Variants in RNPEP observed in about 807,000 individuals in gnomAD.
RNPEP encodes aminopeptidase B.
In RNPEP, 57 loss-of-function variants were observed where a neutral mutation model predicts 70.1. The ratio of observed to expected loss-of-function variants is 0.81; its 90% CI spans 0.66 to 1.01. RNPEP has a LOEUF of 1.01. Among genes scored for constraint, RNPEP ranks in the 50% least tolerant of loss-of-function variants. The pLI is 0.00. For synonymous variants in RNPEP, 335 were observed against 357.4 expected, an observed-to-expected ratio of 0.94 and a Z score of 0.71; for missense variants, 787 against 852.4, an observed-to-expected ratio of 0.92 and a Z score of 0.96.
At chr1:201,993,956 C>G (rs1179004624) in intron 3 of RNPEP, among the ~76,000 whole-genome samples, 1 of 151,502 alleles carries the variant, frequency 6.6e-6, no homozygotes, top group Non-Finnish European at 1.5e-5. Context: ...ATCCAGCCCC[C>G]CACCCTTGCC....
rs758081816 is a variant in RNPEP, at chr1:202,005,598, TG to T, written c.1838del (p.Gly613ValfsTer66). On this transcript the variant is annotated frameshift_variant, in exon 11 of 11. Coordinates refer to ENST00000295640, the MANE Select transcript of RNPEP (RefSeq NM_020216.4). LOFTEE classifies it high-confidence loss of function. Reference sequence around the variant, plus strand: ...ACACTTCCGCTGTACCACGCAATGATGGGTGGCAGTGAGGTGGCCCAGACCC... The same window carrying T: ...ACACTTCCGCTGTACCACGCAATGATGGTGGCAGTGAGGTGGCCCAGACCC... ...KYTLPLYHAM[M>X]GGSEVAQTLA... 7 of 1,614,214 alleles carry T rather than the reference TG, an allele frequency of 4.3e-6. No homozygotes were observed. Among genetic ancestry groups the T allele is most frequent in the Non-Finnish European group, 5.9e-6 (7 of 1,180,032 alleles).
chr1:201,985,108 G>A (rs1200447518), intron 1 of RNPEP, among the ~76,000 whole-genome samples: 4 of 151,218 alleles, frequency 2.6e-5, no homozygotes, highest in Admixed American at 6.6e-5. Context: ...CAGGAGGATC[G>A]CTTGAATCTG....
At chr1:201,987,428 CTTTTTTTTTTTT>C (rs200892295) in intron 1 of RNPEP, among the ~76,000 whole-genome samples, 121 of 111,928 alleles carry the variant, frequency 1.1e-3, no homozygotes, top group Middle Eastern at 4.7e-3. Flanking sequence ...TCAGATTTTA[CTTTTTTTTTTTT>C]TTTTTTTTTT....
At chr1:201,986,297 G>A (rs1314672817) in intron 1 of RNPEP, among the ~76,000 whole-genome samples, 1 of 151,994 alleles carries the variant, frequency 6.6e-6, no homozygotes, top group Non-Finnish European at 1.5e-5. Flanking sequence ...GTCCCCCTAT[G>A]TTGCCCAGGC....
chr1:201,999,995 T>C lies in RNPEP; in HGVS notation c.1184T>C (p.Leu395Pro). ...GGAGAGGAAAACCCACTCAACAAGC[T>C]CCGCGTGAAGATTGAACCAGGTCCA... ...ITGEENPLNKLRVKIEPGVDP... is the reference protein window; with the variant it reads ...ITGEENPLNKPRVKIEPGVDP... The change falls in exon 6 of 11, where the codon CTC becomes CCC. Residue 395 changes from leucine to proline, a missense_variant. Leu to Pro is a moderately conservative substitution (Grantham distance 98, BLOSUM62 -3). Coordinates refer to ENST00000295640, the MANE Select transcript of RNPEP (RefSeq NM_020216.4). 1 of 1,613,624 alleles carries C rather than the reference T, an allele frequency of 6.2e-7. No homozygotes were observed. The highest frequency in any genetic ancestry group is 8.5e-7 in the Non-Finnish European group (1 of 1,179,798).
At chr1:201,990,487 A>G (rs979294739) in intron 3 of RNPEP, among the ~76,000 whole-genome samples, 6 of 152,214 alleles carry the variant, frequency 3.9e-5, no homozygotes, top group Non-Finnish European at 5.9e-5. Context: ...CTTAGTCCCA[A>G]TGTGGGAGCA....
intron 5 of RNPEP, among the ~76,000 whole-genome samples, chr1:201,997,769 T>TTTTG (rs1251950141): frequency 6.7e-6 from 1 of 149,990 alleles, no homozygotes; most frequent in East Asian, 1.9e-4. Context: ...GTCATTAGTT[T>TTTTG]TTTTTTTTTT....
chr1:201,983,762 AT>A (rs1558257411), intron 1 of RNPEP: 6 of 1,101,338 alleles, frequency 5.4e-6, no homozygotes, highest in South Asian at 2.2e-5. Context: ...TAACTCTTTA[AT>A]TTTTTTTCGG....
At chr1:201,989,309 G>A in intron 2 of RNPEP, 74 bp from the exon 3 acceptor site, 1 of 1,547,114 alleles carries the variant, frequency 6.5e-7, no homozygotes, top group African/African-American at 1.4e-5. Flanking sequence ...CAGGTGGCCG[G>A]TCATGCTCTT....
chr1:201,983,255 C>G, intron 1 of RNPEP, 142 bp downstream of exon 1: 1 of 1,432,932 alleles, frequency 7.0e-7, no homozygotes, highest in East Asian at 2.5e-5. Flanking sequence ...ACTCCCCGCG[C>G]GCCGCCTCTA....
At chr1:201,997,284 C>T in intron 4 of RNPEP, 35 bp from the exon 5 acceptor site, 1 of 1,562,666 alleles carries the variant, frequency 6.4e-7, no homozygotes, top group Non-Finnish European at 8.8e-7. Context: ...TCCGGGAAGC[C>T]AGGGCCTCTT....
At chr1:201,983,459 C>G in intron 1 of RNPEP, 1 of 1,403,244 alleles carries the variant, frequency 7.1e-7, no homozygotes. Flanking sequence ...CCGTGGCTTT[C>G]TAGATGACCT....
At chr1:202,003,093 G>A in intron 8 of RNPEP, 144 bp from the exon 9 acceptor site, 1 of 631,692 alleles carries the variant, frequency 1.6e-6, no homozygotes, top group Admixed American at 2.9e-5. Context: ...GGAGCGAATA[G>A]TTACATGGGA....
chr1:201,999,970 GGA>G lies in RNPEP; in HGVS notation c.1163_1164del (p.Glu388GlyfsTer12), dbSNP rs755570643. The G allele has an allele frequency of 6.2e-7, 1 of 1,614,004 alleles. No individual in the cohort carries two copies. The highest frequency in any genetic ancestry group is 8.5e-7 in the Non-Finnish European group (1 of 1,179,946). On this transcript the variant is annotated frameshift_variant, in exon 6 of 11. Transcript: ENST00000295640. LOFTEE classifies it high-confidence loss of function. ...GCTGCGTCAGCACATGGACATCACTGGAGAGGAAAACCCACTCAACAAGCTCC... is the reference window on the plus strand; with the variant it reads ...GCTGCGTCAGCACATGGACATCACTGGAGGAAAACCCACTCAACAAGCTCC... ...ALLRQHMDIT[G>X]EENPLNKLRV... is the part of the protein sequence containing the mutation.
intron 3 of RNPEP, among the ~76,000 whole-genome samples, chr1:201,991,816 A>T (rs560036923): frequency 6.6e-6 from 1 of 152,220 alleles, no homozygotes; most frequent in South Asian, 2.1e-4. Context: ...TCTAGTTGTA[A>T]CAAGCTGAAG....
chr1:201,982,963 C>G lies in RNPEP; in HGVS notation c.297C>G (p.Gly99=), dbSNP rs1268785636. The G allele has an allele frequency of 6.7e-7, 1 of 1,502,368 alleles. No homozygotes were observed. Among genetic ancestry groups the G allele is most frequent in the African/African-American group, 1.5e-5 (1 of 68,582 alleles). 93.1% of individuals were successfully genotyped at this position (1,502,368 alleles called of 1,614,324 possible). The change falls in exon 1 of 11, where the codon GGC becomes GGG. Residue 99 remains glycine, a synonymous_variant. Coordinates refer to ENST00000295640, the MANE Select transcript of RNPEP (RefSeq NM_020216.4). The part of the protein sequence containing the change: ...TAAALRRERP[G]SEEPPAEPVS... The stretch of plus-strand genomic sequence containing the variant: ...CGGCGCTGCGGCGGGAGCGGCCCGG[C>G]TCGGAGGAGCCGCCTGCGGAGCCCG...
Position 202,001,452 on chromosome 1 carries a change from G to A in RNPEP, c.1281G>A (p.Leu427=). Residue 427 remains leucine, a synonymous_variant, in exon 7 of 11, where the codon TTG becomes TTA. Transcript: ENST00000295640. ...GFCFVSYLAH[L]VGDQDQFDSF... ...GCTTTGTTTCATACCTGGCCCACTTGGTGGGTGATCAGGATCAGTTTGACA... is the reference window on the plus strand; with the variant it reads ...GCTTTGTTTCATACCTGGCCCACTTAGTGGGTGATCAGGATCAGTTTGACA... 2 of 1,613,654 alleles carry A rather than the reference G, an allele frequency of 1.2e-6. No homozygotes were observed.
chr1:202,001,254 G>A (rs989655402), intron 6 of RNPEP, 122 bp from the exon 7 acceptor site: 3 of 694,518 alleles, frequency 4.3e-6, no homozygotes, highest in Admixed American at 2.6e-5. Flanking sequence ...TGGCCTTGCT[G>A]TCCCTGGGGA....
rs1245278566 is a variant in RNPEP, at chr1:201,982,690, C to T, written c.24C>T (p.Pro8=). Residue 8 remains proline (P), a synonymous_variant, in exon 1 of 11, where the codon CCC becomes CCT. Transcript: ENST00000295640. ...CCATGGCGAGCGGCGAGCATTCCCC[C>T]GGCAGCGGCGCGGCCCGGCGGCCGC... is the stretch of plus-strand genomic sequence containing the variant. MASGEHS[P]GSGAARRPLH... 2.2e-6 allele frequency: 3 copies of T among 1,393,064 alleles called. No homozygotes were observed. The highest frequency in any genetic ancestry group is 1.5e-5 in the African/African-American group (1 of 66,008). 86.3% of individuals were successfully genotyped at this position (1,393,064 alleles called of 1,614,324 possible).
Sources: gnomAD v4.1 joint callset for allele counts (sites outside exome capture counted in the v4.1 genomes callset) on GRCh38, gnomAD v4.1.1 for gene constraint, MANE v1.5 for transcripts, NCBI Gene and HGNC (gene_info 2026-07-23, HGNC 2026-07-21) for gene names.